CACNA2D3: variants seen among roughly 807,000 people sequenced by gnomAD.
CACNA2D3 encodes calcium voltage-gated channel auxiliary subunit alpha2delta 3, also known as voltage-dependent calcium channel subunit alpha-2/delta-3.
CACNA2D3 carries 60 observed loss-of-function variants against 160.6 expected under a neutral mutation model. The observed-to-expected ratio is 0.37, with a 90% CI of 0.30 to 0.46. CACNA2D3 has a LOEUF of 0.46. Ranked by LOEUF, CACNA2D3 falls within the 20% of genes least tolerant of loss-of-function variation. The pLI, the probability that CACNA2D3 is intolerant of heterozygous loss-of-function variation, is 1.00. For synonymous variants in CACNA2D3, 558 were observed against 492.9 expected (o/e 1.13, Z -1.75); for missense variants, 1,205 against 1,365.0 (o/e 0.88, Z 1.85).
rs1220002066 is a variant in CACNA2D3, at chr3:54,323,295, C to T, written c.321+2737C>T. Reference sequence around the variant, plus strand: ...GTGAGATTTGTGAACATTTGAAGAGCAAAGACCTCAGGTTCAAATTTGCCC... The same window carrying T: ...GTGAGATTTGTGAACATTTGAAGAGTAAAGACCTCAGGTTCAAATTTGCCC... On this transcript the variant is annotated intron_variant, in intron 3 of 37. Transcript: ENST00000474759. 2.0e-5 allele frequency among the ~76,000 whole-genome samples: 3 copies of T among 152,100 alleles called. No individual in the cohort carries two copies. The East Asian group carries it at 5.8e-4, about 29-fold the overall frequency.
At chr3:54,837,050 C>T (rs192872843) in intron 14 of CACNA2D3, 109 bp from the exon 15 acceptor site, 2 of 892,382 alleles carry the variant, frequency 2.2e-6, no homozygotes, top group Admixed American at 3.5e-5. Flanking sequence ...GGGCACTGTT[C>T]CATCTCAACA....
chr3:54,299,110 T>A (rs1703412311), intron 2 of CACNA2D3, among the ~76,000 whole-genome samples: 1 of 152,112 alleles, frequency 6.6e-6, no homozygotes, highest in Admixed American at 6.5e-5. Context: ...TTGTGAGATG[T>A]ACCTTTTGAT....
At chr3:54,613,823 T>C (rs184922999) in intron 9 of CACNA2D3, among the ~76,000 whole-genome samples, 11 of 152,330 alleles carry the variant, frequency 7.2e-5, no homozygotes, top group Non-Finnish European at 1.3e-4. Context: ...GGAGCCTTGG[T>C]ACCTACAAAC....
intron 31 of CACNA2D3, among the ~76,000 whole-genome samples, chr3:54,999,896 T>A (rs1047438848): frequency 3.3e-5 from 5 of 152,204 alleles, no homozygotes; most frequent in African/African-American, 1.2e-4. Context: ...CCAGCATGGG[T>A]GCAGGGCTAC....
chr3:54,350,992 T>TTTTTTTTTTTTTTTTTTTTTTTTTTTG (rs1559457861), intron 3 of CACNA2D3, among the ~76,000 whole-genome samples: 1 of 110,978 alleles, frequency 9.0e-6, no homozygotes, highest in African/African-American at 3.2e-5. Flanking sequence ...GTTTGTTTTT[T>TTTTTTTTTTTTTTTTTTTTTTTTTTTG]TTTTTTTTTT....
intron 9 of CACNA2D3, among the ~76,000 whole-genome samples, chr3:54,607,107 A>G (rs1318564322): frequency 6.6e-6 from 1 of 152,126 alleles, no homozygotes; most frequent in Non-Finnish European, 1.5e-5. Flanking sequence ...TTCCATTTCA[A>G]TAGTATTTTG....
chr3:54,930,101 A>G (rs1018188804), intron 27 of CACNA2D3, among the ~76,000 whole-genome samples: 5 of 152,218 alleles, frequency 3.3e-5, no homozygotes, highest in Non-Finnish European at 7.3e-5. Context: ...ACATAAATCA[A>G]TGGGTGTGCC....
At chr3:54,410,212 G>A (rs1010757668) in intron 4 of CACNA2D3, among the ~76,000 whole-genome samples, 2 of 152,242 alleles carry the variant, frequency 1.3e-5, no homozygotes, top group East Asian at 3.9e-4. Flanking sequence ...AAAATAGCCA[G>A]GCGTGGTGGC....
chr3:54,257,942 G>A lies in CACNA2D3; in HGVS notation c.205-62500G>A, dbSNP rs537332384. Among the ~76,000 whole-genome samples the A allele has an allele frequency of 1.2e-3, 188 of 152,302 alleles. 1 individual carries two copies. The highest frequency in any genetic ancestry group is 4.1e-3 in the African/African-American group (171 of 41,560). On this transcript the variant is annotated intron_variant, in intron 2 of 37. Transcript: ENST00000474759. ...AGTCCCTGGTTATTCAGTCCTCATC[G>A]ACAAATTGACCATTACATTGGATAA...
chr3:54,596,542 G>A (rs563589947), intron 9 of CACNA2D3, among the ~76,000 whole-genome samples: 1 of 152,190 alleles, frequency 6.6e-6, no homozygotes, highest in South Asian at 2.1e-4. Flanking sequence ...TTCACTGTCA[G>A]AAGCGTCCCA....
At chr3:54,473,739 T>G (rs1227742981) in intron 4 of CACNA2D3, among the ~76,000 whole-genome samples, 2 of 152,190 alleles carry the variant, frequency 1.3e-5, no homozygotes, top group Non-Finnish European at 2.9e-5. Flanking sequence ...CAACAGACAC[T>G]TCTCAAAAGA....
intron 27 of CACNA2D3, among the ~76,000 whole-genome samples, chr3:54,901,429 G>C (rs1019845848): frequency 2.0e-5 from 3 of 152,152 alleles, no homozygotes; most frequent in Non-Finnish European, 4.4e-5. Flanking sequence ...TGCCTGTTTG[G>C]CTGAGTATAG....
At chr3:54,587,858 A>G (rs1331472119) in intron 9 of CACNA2D3, among the ~76,000 whole-genome samples, 1 of 152,168 alleles carries the variant, frequency 6.6e-6, no homozygotes, top group Admixed American at 6.5e-5. Flanking sequence ...AACCATTTTC[A>G]GGTCTGGAGA....
chr3:54,825,980 C>A (rs1373694680), intron 14 of CACNA2D3, among the ~76,000 whole-genome samples: 2 of 152,018 alleles, frequency 1.3e-5, no homozygotes, highest in Non-Finnish European at 1.5e-5. Context: ...CATAGCTTTT[C>A]TTTACTTTTT....
At chr3:54,592,791 A>G (rs2106758424) in intron 9 of CACNA2D3, among the ~76,000 whole-genome samples, 1 of 152,308 alleles carries the variant, frequency 6.6e-6, no homozygotes, top group East Asian at 1.9e-4. Context: ...GGCAGTTTTG[A>G]TCTTTTCTTG....
intron 2 of CACNA2D3, among the ~76,000 whole-genome samples, chr3:54,237,628 G>A (rs1352670926): frequency 6.6e-6 from 1 of 152,188 alleles, no homozygotes. Context: ...TTCATTTAAT[G>A]TGCTCAAGTT....
chr3:54,169,509 T>C (rs974303379), intron 2 of CACNA2D3, among the ~76,000 whole-genome samples: 1 of 152,156 alleles, frequency 6.6e-6, no homozygotes, highest in Non-Finnish European at 1.5e-5. Flanking sequence ...ACTTCGGCTA[T>C]ACACAGATAC....
chr3:54,612,522 T>A (rs1428126646), intron 9 of CACNA2D3, among the ~76,000 whole-genome samples: 3 of 152,196 alleles, frequency 2.0e-5, no homozygotes, highest in Non-Finnish European at 4.4e-5. Context: ...ATTTATTATC[T>A]TTGTGAAGAG....
At chr3:54,803,832 G>T (rs942402686) in intron 13 of CACNA2D3, among the ~76,000 whole-genome samples, 11 of 152,340 alleles carry the variant, frequency 7.2e-5, no homozygotes, top group East Asian at 3.9e-4. Context: ...ACAAAGGGAA[G>T]CCCATCAGAC....
Sources: gnomAD v4.1 joint callset for allele counts (sites outside exome capture counted in the v4.1 genomes callset) on GRCh38, gnomAD v4.1.1 for gene constraint, MANE v1.5 for transcripts, NCBI Gene and HGNC (gene_info 2026-07-23, HGNC 2026-07-21) for gene names.